NRP1: variants seen among roughly 807,000 people sequenced by gnomAD.
NRP1 encodes neuropilin-1.
In NRP1, 35 loss-of-function variants were observed where a neutral mutation model predicts 106.7. That is an observed-to-expected ratio of 0.33 (90% CI 0.25 to 0.43). The LOEUF (loss-of-function observed/expected upper bound fraction) is 0.43, where lower values mean the gene tolerates loss of function less well. Ranked by LOEUF, NRP1 falls within the 20% of genes least tolerant of loss-of-function variation. The probability of loss-of-function intolerance (pLI) is 1.00; values close to 1 mark genes in which losing one functional copy is unlikely to be tolerated. For missense variants in NRP1, 1,024 were observed against 1,170.4 expected (o/e 0.87, Z 1.83); for synonymous variants, 437 against 417.9 (o/e 1.05, Z -0.56).
At chr10:33,283,652 C>G (rs1242950511) in intron 2 of NRP1, among the ~76,000 whole-genome samples, 1 of 152,176 alleles carries the variant, frequency 6.6e-6, no homozygotes, top group Non-Finnish European at 1.5e-5. Context: ...GCCTTATAGA[C>G]TAATGAATTG....
chr10:33,293,526 C>T (rs1213321503), intron 2 of NRP1, among the ~76,000 whole-genome samples: 4 of 152,104 alleles, frequency 2.6e-5, no homozygotes, highest in Admixed American at 1.3e-4. Context: ...TAAATGCTAC[C>T]GATAAGGAAA....
rs74455897 is a variant in NRP1 at position 33,331,125 on chromosome 10, C to T, written c.74-243G>A. Among the ~76,000 whole-genome samples, 268 of 152,234 alleles carry T rather than the reference C, an allele frequency of 1.8e-3. 4 individuals are homozygous for T. In the East Asian group the frequency reaches 0.042, roughly 24 times the overall value. On this transcript the variant is annotated intron_variant, in intron 1 of 16. Coordinates refer to ENST00000374867, the MANE Select transcript of NRP1 (RefSeq NM_003873.7). The stretch of plus-strand genomic sequence containing the variant: ...CTGAGAGGACTCTTCCCCCCAGCCC[C>T]GAAGTTTCTTCCTAAGGAAAAGGTC...
intron 11 of NRP1, chr10:33,201,583 A>T (rs1377142220): frequency 6.6e-6 from 1 of 152,148 alleles, no homozygotes; most frequent in Non-Finnish European, 1.5e-5. Flanking sequence ...TTCAACTTGA[A>T]CTTGACATGT....
At position 33,207,676 on chromosome 10, in the gene NRP1, C is replaced by T. The variant is rs757990959; in HGVS notation, c.1655G>A (p.Arg552Gln). The T allele has an allele frequency of 4.7e-5, 76 of 1,613,828 alleles. No individual in the cohort carries two copies. Among genetic ancestry groups the T allele is most frequent in the Middle Eastern group, 1.6e-4 (1 of 6,068 alleles). The change falls in exon 10 of 17, where the codon CGG becomes CAG. Residue 552 changes from arginine (R) to glutamine (Q), a missense_variant. By Grantham distance (43) the Arg-to-Gln change is conservative (BLOSUM62 1). Around this residue, in one of 5 missense-constraint regions of NRP1, gnomAD observed 562 missense variants for 620.3 expected, o/e 0.91. Coordinates refer to ENST00000374867, the MANE Select transcript of NRP1 (RefSeq NM_003873.7). ...GNNNYDTPELRTFPALSTRFI... is the reference protein window; with the variant it reads ...GNNNYDTPELQTFPALSTRFI... ...TCGCGTGGAGAGAGCTGGAAAAGTCCGCAGCTCAGGTGTATCATAGTTGTT... is the reference window on the plus strand; with the variant it reads ...TCGCGTGGAGAGAGCTGGAAAAGTCTGCAGCTCAGGTGTATCATAGTTGTT...
At position 33,180,232 on chromosome 10, in the gene NRP1, C is replaced by A. The variant is rs780151806; in HGVS notation, c.2616G>T (p.Gly872=). The A allele has an allele frequency of 1.2e-6, 2 of 1,614,122 alleles. No individual in the cohort carries two copies. The highest frequency in any genetic ancestry group is 1.7e-5 in the Admixed American group (1 of 59,998). The change falls in exon 17 of 17, where the codon GGG becomes GGT. Residue 872 remains glycine, a synonymous_variant. Transcript: ENST00000374867. ...IAMSALGVLL[G]AVCGVVLYCA... Reference sequence around the variant, plus strand: ...AGTACAGCACGACCCCACAGACAGCCCCCAGGAGGACCCCCAGGGCACTCA... The same window carrying A: ...AGTACAGCACGACCCCACAGACAGCACCCAGGAGGACCCCCAGGGCACTCA...
In NRP1 at chr10:33,270,641, G is replaced by A. The variant is rs1224578392; in HGVS notation, c.430+34C>T. The A allele has an allele frequency of 2.6e-6, 4 of 1,551,778 alleles. 1 individual carries two copies. The highest frequency in any genetic ancestry group is 2.5e-5 in the South Asian group (2 of 81,480). ...CACACTCGGCCTAAATGAACTCTTA[G>A]TCATTCTTGTTCTACCGTAAGCTGT... On this transcript the variant is annotated intron_variant, in intron 3 of 16. Coordinates refer to ENST00000374867, the MANE Select transcript of NRP1 (RefSeq NM_003873.7).
At chr10:33,226,113 C>T (rs768485877) in intron 7 of NRP1, 21 bp downstream of exon 7, 1 of 1,612,032 alleles carries the variant, frequency 6.2e-7, no homozygotes, top group African/African-American at 1.3e-5. Context: ...AATTGGTTGC[C>T]ACGGTGGCAG....
rs1376849398 is a variant in NRP1 at position 33,186,432 on chromosome 10, G to A, written c.2119C>T (p.Arg707Cys). ...ADENQKGKVA[R>C]LVSPVVYSQN... ...GAATAAACCACAGGGCTCACCAGGCGAGCCACTTTGCCCTTCTGATTTTCG... is the reference window on the plus strand; with the variant it reads ...GAATAAACCACAGGGCTCACCAGGCAAGCCACTTTGCCCTTCTGATTTTCG... The change falls in exon 14 of 17, where the codon CGC (arginine) becomes TGC (cysteine). Residue 707 changes from arginine to cysteine, a missense_variant. Transcript: ENST00000374867. The A allele has an allele frequency of 3.1e-6, 5 of 1,614,058 alleles. No individual in the cohort carries two copies. Among genetic ancestry groups the A allele is most frequent in the East Asian group, 2.2e-5 (1 of 44,876 alleles).
At chr10:33,234,668 C>G (rs1473460205) in intron 6 of NRP1, among the ~76,000 whole-genome samples, 1 of 152,010 alleles carries the variant, frequency 6.6e-6, no homozygotes, top group Non-Finnish European at 1.5e-5. Flanking sequence ...AATAAAAATA[C>G]CCAAGTAGAA....
intron 6 of NRP1, among the ~76,000 whole-genome samples, chr10:33,242,184 T>C (rs1247410492): frequency 6.6e-6 from 1 of 152,160 alleles, no homozygotes; most frequent in African/African-American, 2.4e-5. Context: ...GAAGGTCATG[T>C]AAGATGCTCA....
intron 3 of NRP1, among the ~76,000 whole-genome samples, chr10:33,267,338 G>A (rs1842990942): frequency 6.6e-6 from 1 of 152,084 alleles, no homozygotes; most frequent in African/African-American, 2.4e-5. Context: ...AACAGCCCTG[G>A]GTGCCTAGGA....
intron 2 of NRP1, among the ~76,000 whole-genome samples, chr10:33,313,302 G>A (rs1376957697): frequency 6.6e-6 from 1 of 152,104 alleles, no homozygotes; most frequent in Non-Finnish European, 1.5e-5. Flanking sequence ...AGGAGGGTCT[G>A]GGCTGGGCTG....
At chr10:33,331,056 T>C (rs892908554) in intron 1 of NRP1, among the ~76,000 whole-genome samples, 174 bp from the exon 2 acceptor site, 1 of 152,196 alleles carries the variant, frequency 6.6e-6, no homozygotes, top group Non-Finnish European at 1.5e-5. Flanking sequence ...AAAAACACTC[T>C]TTGATCTCAG....
intron 2 of NRP1, among the ~76,000 whole-genome samples, chr10:33,304,530 C>T (rs566069496): frequency 6.6e-6 from 1 of 152,290 alleles, no homozygotes; most frequent in African/African-American, 2.4e-5. Context: ...CACTCTTTAG[C>T]ACTAGGGCAC....
At chr10:33,284,323 T>G (rs1479178729) in intron 2 of NRP1, among the ~76,000 whole-genome samples, 1 of 152,252 alleles carries the variant, frequency 6.6e-6, no homozygotes, top group Non-Finnish European at 1.5e-5. Flanking sequence ...TGCAGTTGAC[T>G]GCCCTTTATG....
chr10:33,193,802 A>C (rs1461461936), intron 12 of NRP1, among the ~76,000 whole-genome samples: 1 of 152,176 alleles, frequency 6.6e-6, no homozygotes, highest in African/African-American at 2.4e-5. Flanking sequence ...ATAGATAAGA[A>C]TGATTTACTT....
At chr10:33,253,458 A>T (rs1364396009) in intron 6 of NRP1, among the ~76,000 whole-genome samples, 1 of 152,188 alleles carries the variant, frequency 6.6e-6, no homozygotes, top group Non-Finnish European at 1.5e-5. Flanking sequence ...CTAAACATGG[A>T]TATCTCGTCA....
intron 6 of NRP1, among the ~76,000 whole-genome samples, chr10:33,236,005 A>C (rs760767679): frequency 6.6e-6 from 1 of 152,244 alleles, no homozygotes; most frequent in Non-Finnish European, 1.5e-5. Context: ...CCCTTCCTGC[A>C]AAGAGACTTA....
intron 8 of NRP1, among the ~76,000 whole-genome samples, chr10:33,215,823 C>T (rs887768754): frequency 6.6e-6 from 1 of 152,174 alleles, no homozygotes; most frequent in South Asian, 2.1e-4. Context: ...AAATTACGCA[C>T]GTCATTTTCA....
Sources: gnomAD v4.1 joint callset for allele counts (sites outside exome capture counted in the v4.1 genomes callset) on GRCh38, gnomAD v4.1.1 for gene constraint, gnomAD v4.1.1 regional missense constraint, MANE v1.5 for transcripts, NCBI Gene and HGNC (gene_info 2026-07-23, HGNC 2026-07-21) for gene names.